The following USP25 variants were observed in gnomAD, a reference collection of about 807,000 sequenced individuals.
The protein encoded by USP25 is ubiquitin specific peptidase 25.
A neutral mutation model predicts 158.5 loss-of-function variants in USP25; 85 were observed. The ratio of observed to expected loss-of-function variants is 0.54; its 90% confidence interval spans 0.45 to 0.64. USP25 has a LOEUF of 0.64. Among genes scored for constraint, USP25 ranks in the 30% least tolerant of loss-of-function variants. USP25 has a pLI of 0.00. For synonymous variants in USP25, 464 were observed against 460.4 expected (o/e 1.01, Z -0.10); for missense variants, 1,242 against 1,327.3 (o/e 0.94, Z 1.00).
At chr21:15,813,203 G>A (rs1327458321) in intron 9 of USP25, among the ~76,000 whole-genome samples, 2 of 152,088 alleles carry the variant, frequency 1.3e-5, no homozygotes, top group Non-Finnish European at 2.9e-5. Flanking sequence ...AACTTGTTCT[G>A]TGTAATCACC....
chr21:15,757,963 G>A (rs1026665327), intron 1 of USP25, among the ~76,000 whole-genome samples: 3 of 152,162 alleles, frequency 2.0e-5, no homozygotes, highest in Admixed American at 6.5e-5. Flanking sequence ...CTGCTTTAGC[G>A]TAATGTGATT....
In USP25 at chr21:15,826,515, C is replaced by T. The variant is rs2037510475; in HGVS notation, c.1466+150C>T. The T allele has an allele frequency of 2.3e-6, 2 of 862,026 alleles. No homozygotes were observed. The highest frequency in any genetic ancestry group is 3.4e-6 in the Non-Finnish European group (2 of 580,446). The allele number at this position is 862,026 out of a possible 1,614,324, so 53.4% of individuals were successfully genotyped here. On this transcript the variant is annotated intron_variant, in intron 13 of 25. Transcript: ENST00000400183. This position sits in a 1 kb window ranked among gnomAD's most constrained non-coding sequence, Gnocchi z 4.8. ...AGATTCACTTAGAAGACTGTATGTC[C>T]TCTGGGAGTTTTTTTATTATTTCAG...
At chr21:15,739,688 T>G (rs2031858814) in intron 1 of USP25, among the ~76,000 whole-genome samples, 1 of 152,228 alleles carries the variant, frequency 6.6e-6, no homozygotes. Flanking sequence ...TAGAATTGCT[T>G]TAAGCACTGA....
chr21:15,841,032 A>G lies in USP25; in HGVS notation c.2195-1366A>G, dbSNP rs373852973. 1.2e-4 allele frequency among the ~76,000 whole-genome samples: 18 copies of G among 152,328 alleles called. No individual in the cohort carries two copies. In the South Asian group the frequency reaches 3.3e-3, roughly 28 times the overall value. On this transcript the variant is annotated intron_variant, in intron 17 of 25. Transcript: ENST00000400183. ...TATTACTCATGGGCATTGAAAGGCT[A>G]TTGCAGTCCAAAATCAGGAAATGAT...
intron 7 of USP25, among the ~76,000 whole-genome samples, chr21:15,806,446 C>G (rs1391828055): frequency 7.7e-6 from 1 of 130,508 alleles, no homozygotes; most frequent in Non-Finnish European, 1.7e-5. Flanking sequence ...TTTTTTCTTT[C>G]TTTTCTAGAG....
chr21:15,823,016 G>A (rs2037310693), intron 10 of USP25, among the ~76,000 whole-genome samples: 1 of 151,954 alleles, frequency 6.6e-6, no homozygotes, highest in Non-Finnish European at 1.5e-5. Flanking sequence ...ATCCTCCTCA[G>A]ATTCAGTTTG....
intron 16 of USP25, among the ~76,000 whole-genome samples, chr21:15,832,190 A>T (rs891682108): frequency 6.6e-6 from 1 of 152,130 alleles, no homozygotes; most frequent in Non-Finnish European, 1.5e-5. Flanking sequence ...ATCTCTCCTT[A>T]TGCTGTCCTG....
chr21:15,873,430 C>T (rs1488106920), intron 23 of USP25, among the ~76,000 whole-genome samples: 5 of 151,818 alleles, frequency 3.3e-5, no homozygotes, highest in African/African-American at 1.2e-4. Context: ...CCCTTTTCTT[C>T]CCTTTTTAAA....
intron 1 of USP25, among the ~76,000 whole-genome samples, chr21:15,759,417 A>G (rs2033593425): frequency 6.6e-6 from 1 of 151,672 alleles, no homozygotes; most frequent in Non-Finnish European, 1.5e-5. Flanking sequence ...TGGTTGGGGT[A>G]CAGCTTGCTT....
intron 14 of USP25, among the ~76,000 whole-genome samples, chr21:15,828,244 T>A (rs989685893): frequency 6.6e-6 from 1 of 152,198 alleles, no homozygotes; most frequent in African/African-American, 2.4e-5. Flanking sequence ...AGGGAATTTT[T>A]AAAAATATTT....
intron 5 of USP25, among the ~76,000 whole-genome samples, chr21:15,792,402 A>G (rs1335885533): frequency 6.6e-6 from 1 of 151,656 alleles, no homozygotes; most frequent in Non-Finnish European, 1.5e-5. Context: ...TTTATGAATA[A>G]TATGTCCTTA....
At position 15,824,178 on chromosome 21, in the gene USP25, T is replaced by C. The variant is rs2037373773; in HGVS notation, c.1208+12T>C. 1.2e-5 allele frequency: 19 copies of C among 1,610,388 alleles called. No homozygotes were observed. Among genetic ancestry groups the C allele is most frequent in the Non-Finnish European group, 1.6e-5 (19 of 1,179,526 alleles). Reference sequence around the variant, plus strand: ...TTATATTTGGACAGGTATGGTTTGATATACTGCATGACTTAGTTTGAAACA... The same window carrying C: ...TTATATTTGGACAGGTATGGTTTGACATACTGCATGACTTAGTTTGAAACA... On this transcript the variant is annotated intron_variant, in intron 11 of 25. Coordinates refer to ENST00000400183, the MANE Select transcript of USP25 (RefSeq NM_001283041.3).
In USP25 at chr21:15,864,269, C is replaced by T. The variant is rs777095440; in HGVS notation, c.2549C>T (p.Ala850Val). The change falls in exon 21 of 26, where the codon GCA (alanine) becomes GTA (valine). Residue 850 changes from alanine to valine, a missense_variant and splice_region_variant. Transcript: ENST00000400183. ...TATCATTTTCATTGCATTTTCCAGG[C>T]AATTAAGTTGGAATATGCAAGGTTG... is the stretch of plus-strand genomic sequence containing the variant. ...RCGPEAGFFK[A>V]IKLEYARLVK... 2.5e-6 allele frequency: 4 copies of T among 1,590,440 alleles called. No homozygotes were observed. Among genetic ancestry groups the T allele is most frequent in the Non-Finnish European group, 3.4e-6 (4 of 1,173,504 alleles).
At chr21:15,743,661 C>T (rs1046993828) in intron 1 of USP25, among the ~76,000 whole-genome samples, 1 of 152,162 alleles carries the variant, frequency 6.6e-6, no homozygotes, top group Admixed American at 6.5e-5. Flanking sequence ...GCTGTGGACT[C>T]TATCTATATC....
chr21:15,807,148 G>A (rs961306122), intron 7 of USP25, among the ~76,000 whole-genome samples: 15 of 152,096 alleles, frequency 9.9e-5, no homozygotes, highest in South Asian at 4.1e-4. Flanking sequence ...GCCTGGTCTC[G>A]AACTCCTGGG....
intron 4 of USP25, among the ~76,000 whole-genome samples, chr21:15,787,948 CATG>C (rs2035385952): frequency 1.8e-5 from 2 of 110,454 alleles, no homozygotes; most frequent in South Asian, 5.9e-4. Context: ...TTAATGGAAA[CATG>C]ATGATCTACC....
intron 18 of USP25, among the ~76,000 whole-genome samples, chr21:15,846,479 TA>T (rs1263184449): frequency 6.6e-6 from 1 of 152,018 alleles, no homozygotes; most frequent in African/African-American, 2.4e-5. Flanking sequence ...GTGTTTATTT[TA>T]AAAGGGGCAG....
rs560700057 is a variant in USP25, at chr21:15,800,204, G to A, written c.642+361G>A. On this transcript the variant is annotated intron_variant, in intron 6 of 25. Transcript: ENST00000400183. The stretch of plus-strand genomic sequence containing the variant: ...AAATTTCTTTTCAATTGATCGTCTT[G>A]TGCAGCCCTTTAAAAAATGCGTTTT... Among the ~76,000 whole-genome samples the A allele has an allele frequency of 6.6e-5, 10 of 151,316 alleles. No individual in the cohort carries two copies. In the South Asian group the frequency reaches 1.9e-3, roughly 28 times the overall value.
chr21:15,809,086 A>G (rs2036532217), intron 8 of USP25, among the ~76,000 whole-genome samples: 1 of 152,222 alleles, frequency 6.6e-6, no homozygotes, highest in African/African-American at 2.4e-5. Flanking sequence ...TGGAAGAGCT[A>G]GTCTTACATG....
Sources: gnomAD v4.1 joint callset for allele counts (sites outside exome capture counted in the v4.1 genomes callset) on GRCh38, gnomAD v4.1.1 for gene constraint, Gnocchi (gnomAD v3.1) non-coding constraint, MANE v1.5 for transcripts, NCBI Gene and HGNC (gene_info 2026-07-23, HGNC 2026-07-21) for gene names.